UBR1: variants seen among roughly 807,000 people sequenced by gnomAD.
UBR1 encodes ubiquitin protein ligase E3 component n-recognin 1.
In UBR1, 102 loss-of-function variants were observed where a neutral mutation model predicts 242.1. The observed-to-expected ratio is 0.42, with a 90% CI of 0.36 to 0.50. The LOEUF (loss-of-function observed/expected upper bound fraction) is 0.50. Ranked by LOEUF, UBR1 falls within the 20% of genes least tolerant of loss-of-function variation. The pLI is 0.01. For synonymous variants in UBR1, 675 were observed against 684.8 expected (o/e 0.99, Z 0.22); for missense variants, 1,772 against 2,101.8 (o/e 0.84, Z 3.07).
chr15:42,973,307 G>A (rs929029542), intron 39 of UBR1, among the ~76,000 whole-genome samples: 5 of 151,988 alleles, frequency 3.3e-5, no homozygotes, highest in East Asian at 1.9e-4. Flanking sequence ...TCATTGCCCC[G>A]TTTTTTTGAG....
intron 29 of UBR1, among the ~76,000 whole-genome samples, chr15:43,008,380 C>G (rs1443156192): frequency 6.6e-6 from 1 of 152,288 alleles, no homozygotes; most frequent in African/African-American, 2.4e-5. Flanking sequence ...TGCCGCGGCC[C>G]CGGCCAGGTG....
intron 13 of UBR1, 151 bp downstream of exon 13, chr15:43,048,241 A>G (rs1452244581): frequency 1.5e-6 from 1 of 652,324 alleles, no homozygotes; most frequent in Admixed American, 2.8e-5. Context: ...GGATCTATCA[A>G]AACAGGATGA....
chr15:43,075,909 C>G (rs574703734), intron 3 of UBR1, among the ~76,000 whole-genome samples: 39 of 151,722 alleles, frequency 2.6e-4, no homozygotes, highest in Non-Finnish European at 4.1e-4. Context: ...GCCACCATGC[C>G]CAACCTGATA....
chr15:43,023,209 A>G (rs2067319535), intron 25 of UBR1, among the ~76,000 whole-genome samples: 1 of 152,200 alleles, frequency 6.6e-6, no homozygotes, highest in African/African-American at 2.4e-5. Context: ...TAAAAATAAG[A>G]AAGCTGATAG....
At chr15:43,026,298 G>C in intron 23 of UBR1, 1 of 370,546 alleles carries the variant, frequency 2.7e-6, no homozygotes, top group South Asian at 3.4e-5. Context: ...AATCAAATGA[G>C]TGTGTGATGA....
chr15:43,099,298 C>T (rs1387754452), intron 1 of UBR1, among the ~76,000 whole-genome samples: 1 of 150,554 alleles, frequency 6.6e-6, no homozygotes, highest in Non-Finnish European at 1.5e-5. Context: ...GATTGCACCA[C>T]TGCACTCCAG....
At chr15:42,996,691 T>C (rs2032646026) in intron 33 of UBR1, among the ~76,000 whole-genome samples, 1 of 152,208 alleles carries the variant, frequency 6.6e-6, no homozygotes, top group Non-Finnish European at 1.5e-5. Flanking sequence ...TCTTCCTCTG[T>C]AGCTTTTGTA....
chr15:43,034,217 CAG>C (rs1304793333), intron 19 of UBR1, among the ~76,000 whole-genome samples: 5 of 151,022 alleles, frequency 3.3e-5, no homozygotes, highest in Non-Finnish European at 5.9e-5. Flanking sequence ...GCCTGGGTGA[CAG>C]AGCAACACTC....
At chr15:42,952,483 A>AAAAAC (rs761185524) in intron 44 of UBR1, 35 bp from the exon 45 acceptor site, 3 of 1,612,094 alleles carry the variant, frequency 1.9e-6, no homozygotes, top group Non-Finnish European at 2.5e-6. Flanking sequence ...AGAATGATGG[A>AAAAAC]AAAACAAAAC....
Position 43,007,211 on chromosome 15 carries a change from C to T in UBR1, c.3283G>A (p.Val1095Met), listed in dbSNP as rs1044494026. ...TCTTGGCAAAGGATGCACGTCAGCA[C>T]CTCCTTTTCAGTAACAGATGGACCC... is the stretch of plus-strand genomic sequence containing the variant. ...KRGPSVTEKE[V>M]LTCILCQEEQ... is the part of the protein sequence containing the mutation. The change falls in exon 30 of 47, where the codon GTG becomes ATG. Residue 1095 changes from valine (V) to methionine (M), a missense_variant. Physicochemically the swap from Val to Met is conservative, Grantham distance 21 (BLOSUM62 1). Coordinates refer to ENST00000290650, the MANE Select transcript of UBR1 (RefSeq NM_174916.3). 4 of 1,613,958 alleles carry T rather than the reference C, an allele frequency of 2.5e-6. No homozygotes were observed. Among genetic ancestry groups the T allele is most frequent in the Admixed American group, 1.7e-5 (1 of 59,986 alleles).
chr15:43,048,325 T>C, intron 13 of UBR1, 67 bp downstream of exon 13: 2 of 1,312,606 alleles, frequency 1.5e-6, no homozygotes, highest in Non-Finnish European at 2.1e-6. Context: ...AAATCTGCTT[T>C]AAAAAGACTG....
intron 21 of UBR1, among the ~76,000 whole-genome samples, chr15:43,028,052 T>C (rs1045036875): frequency 6.6e-6 from 1 of 152,224 alleles, no homozygotes; most frequent in Non-Finnish European, 1.5e-5. Context: ...AGAAAGGTTA[T>C]CTAAGTTTGC....
intron 37 of UBR1, 114 bp downstream of exon 37, chr15:42,983,783 G>A (rs1567115563): frequency 3.7e-6 from 2 of 544,382 alleles, no homozygotes; most frequent in Non-Finnish European, 5.7e-6. Flanking sequence ...ATTAGTGAGT[G>A]CTCAAAATTA....
At chr15:43,066,033 T>C (rs1246647532) in intron 6 of UBR1, among the ~76,000 whole-genome samples, 1 of 152,228 alleles carries the variant, frequency 6.6e-6, no homozygotes, top group Admixed American at 6.5e-5. Context: ...TGTCATGAAA[T>C]CTTTGCCCAT....
intron 1 of UBR1, among the ~76,000 whole-genome samples, chr15:43,094,101 A>G (rs1347178874): frequency 6.6e-6 from 1 of 152,140 alleles, no homozygotes; most frequent in African/African-American, 2.4e-5. Flanking sequence ...AGGACTATTT[A>G]TTACCTTCCT....
chr15:43,053,929 C>A (rs989441105), intron 12 of UBR1, among the ~76,000 whole-genome samples: 1 of 151,552 alleles, frequency 6.6e-6, no homozygotes, highest in East Asian at 1.9e-4. Context: ...TGCGTTCAAG[C>A]GATTCTTCTG....
chr15:42,945,218 T>C lies in UBR1; in HGVS notation c.*111A>G, dbSNP rs908828352. On this transcript the variant is annotated 3_prime_UTR_variant, in exon 47 of 47. Transcript: ENST00000290650. ...TTATTGATGTAAGTGAACCTGGACA[T>C]GGAGCAAAAGACCCTCCAATACTTT... 40 of 1,452,406 alleles carry C rather than the reference T, an allele frequency of 2.8e-5. 1 individual carries two copies. The highest frequency in any genetic ancestry group is 8.6e-6 in the Non-Finnish European group (9 of 1,046,548). 90.0% of individuals were successfully genotyped at this position (1,452,406 alleles called of 1,614,324 possible).
chr15:43,007,199 T>G lies in UBR1; in HGVS notation c.3295A>C (p.Ile1099Leu). 1.2e-6 allele frequency: 2 copies of G among 1,614,156 alleles called. No homozygotes were observed. The highest frequency in any genetic ancestry group is 1.7e-6 in the Non-Finnish European group (2 of 1,180,022). The change falls in exon 30 of 47, where the codon ATC becomes CTC. Residue 1099 changes from isoleucine to leucine, a missense_variant. Ile to Leu is a conservative substitution (Grantham distance 5, BLOSUM62 2). Around this residue, in one of 3 missense-constraint regions of UBR1, gnomAD observed 965 missense variants for 1,079.7 expected, o/e 0.89. Transcript: ENST00000290650. ...ACCTCCTGTTCTTCTTGGCAAAGGA[T>G]GCACGTCAGCACCTCCTTTTCAGTA... ...SVTEKEVLTC[I>L]LCQEEQEVKI...
At chr15:43,013,133 G>T (rs2032951682) in intron 29 of UBR1, among the ~76,000 whole-genome samples, 1 of 152,134 alleles carries the variant, frequency 6.6e-6, no homozygotes, top group Non-Finnish European at 1.5e-5. Flanking sequence ...TCGAACTCCT[G>T]ACCTCAGATG....
Sources: gnomAD v4.1 joint callset for allele counts (sites outside exome capture counted in the v4.1 genomes callset) on GRCh38, gnomAD v4.1.1 for gene constraint, gnomAD v4.1.1 regional missense constraint, MANE v1.5 for transcripts, NCBI Gene and HGNC (gene_info 2026-07-23, HGNC 2026-07-21) for gene names.